LRRC69: variants seen among roughly 807,000 people sequenced by gnomAD.
LRRC69 encodes leucine-rich repeat-containing protein 69.
Under a neutral mutation model 37.8 loss-of-function variants are expected in LRRC69, and 42 were observed. The observed-to-expected ratio is 1.11, with a 90% CI of 0.87 to 1.44. The LOEUF is 1.44. LRRC69 is among the 40% of genes most tolerant of loss of function. The pLI, the probability that LRRC69 is intolerant of heterozygous loss-of-function variation, is 0.00. For missense variants in LRRC69, 357 were observed against 401.9 expected, an observed-to-expected ratio of 0.89 and a Z score of 0.96; for synonymous variants, 141 against 143.1, an observed-to-expected ratio of 0.99 and a Z score of 0.11.
intron 1 of LRRC69, 58 bp downstream of exon 1, chr8:91,102,902 A>C (rs1315637294): frequency 1.4e-6 from 2 of 1,447,646 alleles, no homozygotes. Context: ...ACAGGAAGAG[A>C]GAAAAAAGGG....
At chr8:91,138,864 G>C (rs1808472204) in intron 5 of LRRC69, 1 of 151,564 alleles carries the variant, frequency 6.6e-6, no homozygotes, top group Non-Finnish European at 1.5e-5. Flanking sequence ...AGATCAGCCT[G>C]GACAACATGG....
Position 91,164,310 on chromosome 8 carries a change from A to G in LRRC69, c.652-25212A>G, listed in dbSNP as rs577347844. ...AACTAACTTCTCTGTCAAGAAGACA[A>G]CTACCCAAAGGTGTCAGGAAACTAG... On this transcript the variant is annotated intron_variant, in intron 5 of 7. Coordinates refer to ENST00000448384, the Ensembl canonical transcript of LRRC69. Among the ~76,000 whole-genome samples the G allele has an allele frequency of 2.5e-4, 38 of 151,768 alleles. No individual in the cohort carries two copies. In the South Asian group the frequency reaches 7.0e-3, roughly 28 times the overall value.
intron 5 of LRRC69, chr8:91,158,133 C>T (rs1259844388): frequency 6.3e-7 from 1 of 1,595,836 alleles, no homozygotes; most frequent in Non-Finnish European, 8.6e-7. Flanking sequence ...CCAGGTGAAA[C>T]TCTCACTTAC....
At chr8:91,192,451 C>A (rs1295738905) in intron 6 of LRRC69, among the ~76,000 whole-genome samples, 2 of 151,688 alleles carry the variant, frequency 1.3e-5, no homozygotes, top group Non-Finnish European at 2.9e-5. Flanking sequence ...AACTAGTTTA[C>A]AGTCCCACCA....
At chr8:91,138,496 T>C (rs766151913) in intron 5 of LRRC69, among the ~76,000 whole-genome samples, 2 of 151,924 alleles carry the variant, frequency 1.3e-5, no homozygotes, top group African/African-American at 2.4e-5. Context: ...TGCTATTTTA[T>C]GATTTAAATA....
chr8:91,117,514 G>A (rs1813530688), intron 1 of LRRC69, among the ~76,000 whole-genome samples: 1 of 149,854 alleles, frequency 6.7e-6, no homozygotes, highest in Admixed American at 6.7e-5. Flanking sequence ...TGAATTTAGA[G>A]TGATCCACTG....
intron 5 of LRRC69, among the ~76,000 whole-genome samples, chr8:91,150,456 GC>G (rs1400897011): frequency 6.6e-6 from 1 of 151,948 alleles, no homozygotes; most frequent in Non-Finnish European, 1.5e-5. Context: ...TGGTGGATAA[GC>G]TTTTTGATGT....
chr8:91,102,821 C>T (rs1359876658), exon 1 of LRRC69: 1 of 1,548,454 alleles, frequency 6.5e-7, no homozygotes, highest in Non-Finnish European at 8.7e-7. Flanking sequence ...CAAAGTGTGT[C>T]CAGAGTTATG....
exon 3 of LRRC69, chr8:91,127,135 A>G: frequency 6.5e-7 from 1 of 1,548,552 alleles, no homozygotes; most frequent in Admixed American, 2.0e-5. Flanking sequence ...CAATCATCTT[A>G]CGCAGCTTCC....
intron 5 of LRRC69, among the ~76,000 whole-genome samples, chr8:91,144,933 T>C (rs10105201): frequency 0.13 from 19,075 of 151,986 alleles, 2,535 homozygotes; most frequent in African/African-American, 0.34. Context: ...CTGCCTTCAA[T>C]AGAATGATTT....
intron 7 of LRRC69, 138 bp downstream of exon 7, chr8:91,200,930 A>G: frequency 1.4e-6 from 1 of 708,120 alleles, no homozygotes; most frequent in Non-Finnish European, 2.1e-6. Context: ...TGGATAGACA[A>G]ATTTGGATAA....
intron 6 of LRRC69, among the ~76,000 whole-genome samples, chr8:91,195,799 A>G (rs1809587401): frequency 6.6e-6 from 1 of 151,142 alleles, no homozygotes; most frequent in African/African-American, 2.4e-5. Context: ...TCTTTATCCA[A>G]TTTGCCAGTC....
chr8:91,133,109 G>C lies in LRRC69; in HGVS notation c.384-1G>C. ...ATACTTTGGTGTTTTTTTTTTTTTA[G>C]ATTAAAAAGTCTTACTTATATGAGT... On this transcript the variant is annotated splice_acceptor_variant, in intron 3 of 7. Coordinates refer to ENST00000448384, the Ensembl canonical transcript of LRRC69. LOFTEE classifies it high-confidence loss of function. 1 of 1,336,204 alleles carries C rather than the reference G, an allele frequency of 7.5e-7. No homozygotes were observed. 82.8% of individuals were successfully genotyped at this position (1,336,204 alleles called of 1,614,324 possible).
At chr8:91,106,358 T>C (rs1394044478) in intron 1 of LRRC69, among the ~76,000 whole-genome samples, 2 of 152,052 alleles carry the variant, frequency 1.3e-5, no homozygotes, top group Admixed American at 1.3e-4. Context: ...TTTTTGGTCA[T>C]ATTTCCCACA....
chr8:91,104,900 T>C lies in LRRC69; in HGVS notation c.183+2056T>C, dbSNP rs1586219162. 2.0e-5 allele frequency among the ~76,000 whole-genome samples: 3 copies of C among 152,096 alleles called. No individual in the cohort carries two copies. In the East Asian group the frequency reaches 5.8e-4, roughly 29 times the overall value. On this transcript the variant is annotated intron_variant, in intron 1 of 7. Transcript: ENST00000448384. Reference sequence around the variant, plus strand: ...TAGTAAAAAGTTACACATTCCAAGATATATTTCCATAGGAAAAAGCCCCAA... The same window carrying C: ...TAGTAAAAAGTTACACATTCCAAGACATATTTCCATAGGAAAAAGCCCCAA...
chr8:91,208,157 C>T (rs979528576), intron 7 of LRRC69, among the ~76,000 whole-genome samples: 8 of 152,102 alleles, frequency 5.3e-5, no homozygotes, highest in East Asian at 3.9e-4. Context: ...CAGTGACATT[C>T]GGAGATACTG....
intron 5 of LRRC69, among the ~76,000 whole-genome samples, chr8:91,173,887 A>G (rs560703207): frequency 6.6e-6 from 1 of 152,026 alleles, no homozygotes; most frequent in Admixed American, 6.6e-5. Flanking sequence ...TTGTTTCAAC[A>G]TAACGAATTT....
In LRRC69 at chr8:91,122,938, T is replaced by C. The variant is rs1045430781; in HGVS notation, c.184-1555T>C. 2.0e-5 allele frequency among the ~76,000 whole-genome samples: 3 copies of C among 152,022 alleles called. 1 individual carries two copies. The highest frequency in any genetic ancestry group is 6.6e-5 in the Admixed American group (1 of 15,236). On this transcript the variant is annotated intron_variant, in intron 1 of 7. Transcript: ENST00000448384. ...GTGGATAGTCAGCTAACCTGGAGAATGGGAGGTTACCCTAGATTATCCAGG... is the reference window on the plus strand; with the variant it reads ...GTGGATAGTCAGCTAACCTGGAGAACGGGAGGTTACCCTAGATTATCCAGG...
intron 1 of LRRC69, among the ~76,000 whole-genome samples, chr8:91,109,995 A>C (rs1370665497): frequency 2.0e-5 from 3 of 152,068 alleles, no homozygotes; most frequent in Non-Finnish European, 4.4e-5. Flanking sequence ...TAGCAGATTG[A>C]ACCATAAATT....
Sources: allele counts gnomAD v4.1 joint callset (sites outside exome capture counted in the v4.1 genomes callset), GRCh38; gene constraint gnomAD v4.1.1; transcripts MANE v1.5; gene names NCBI Gene and HGNC (gene_info 2026-07-23, HGNC 2026-07-21).